ATG9B: variants seen among roughly 807,000 people sequenced by gnomAD.
ATG9B encodes the protein autophagy related 9B, also known as autophagy-related protein 9B.
In ATG9B, 92 loss-of-function variants were observed where a neutral mutation model predicts 92.9. The observed-to-expected ratio is 0.99, with a 90% confidence interval of 0.84 to 1.18. The LOEUF is 1.18. Among genes scored for constraint, ATG9B ranks in the 50% most tolerant of loss-of-function variants. The pLI is 0.00. For missense variants in ATG9B, 1,344 were observed against 1,235.0 expected (o/e 1.09, Z -1.32); for synonymous variants, 599 against 551.4 (o/e 1.09, Z -1.21).
chr7:151,021,355 G>A (rs780196113), intron 4 of ATG9B, 26 bp from the exon 5 acceptor site: 2 of 1,556,432 alleles, frequency 1.3e-6, no homozygotes, highest in South Asian at 1.2e-5. Flanking sequence ...CGGGCAGTGG[G>A]GGAGAAAGGT....
At position 151,018,928 on chromosome 7, in the gene ATG9B, C is replaced by T. The variant is rs1315171376; in HGVS notation, c.1410G>A (p.Arg470=). The T allele has an allele frequency of 2.0e-6, 3 of 1,532,868 alleles. No homozygotes were observed. The highest frequency in any genetic ancestry group is 2.1e-5 in the Admixed American group (1 of 48,018). 95.0% of individuals were successfully genotyped at this position (1,532,868 alleles called of 1,614,324 possible). ...HVFYSHVELL[R]REPGALGARG... ...GCGCCCCCAGCGCGCCAGGCTCGCG[C>T]CGCAGCAGCTCCACGTGGCTATAGA... The change falls in exon 6 of 14, where the codon CGG becomes CGA. Residue 470 remains arginine, a synonymous_variant. Transcript: ENST00000639579. The surrounding 1 kb of genome is among the most constrained non-coding windows in gnomAD (Gnocchi z 4.7).
At chr7:151,020,337 C>T (rs1795700668) in intron 5 of ATG9B, 1 of 152,732 alleles carries the variant, frequency 6.5e-6, no homozygotes, top group South Asian at 2.1e-4. Context: ...AGTGTCTTCC[C>T]TTCCCTTCCC....
chr7:151,012,884 T>A (rs767942890), downstream of ATG9B: 3 of 351,618 alleles, frequency 8.5e-6, no homozygotes, highest in Non-Finnish European at 1.6e-5. Context: ...GGGCTGTGAC[T>A]GGGAGGAGAG....
intron 5 of ATG9B, among the ~76,000 whole-genome samples, chr7:151,020,663 G>T (rs1242421426): frequency 6.6e-6 from 1 of 152,230 alleles, no homozygotes; most frequent in Non-Finnish European, 1.5e-5. Context: ...GAAACAAAGG[G>T]CAGAGCATAA....
In ATG9B at chr7:151,017,905, G is replaced by A. The variant is rs760739130; in HGVS notation, c.2018C>T (p.Ala673Val). Residue 673 changes from alanine to valine, a missense_variant, in exon 8 of 14, where the codon GCC (alanine) becomes GTC (valine). Coordinates refer to ENST00000639579, the MANE Select transcript of ATG9B (RefSeq NM_001317056.2). ...TCCGTGGCGCTTCACATCCATAAGG[G>A]CAAAGGAACAGATGTCCCCAACCCC... ...VAGVGDICSF[A>V]LMDVKRHGHP... 6 of 1,610,266 alleles carry A rather than the reference G, an allele frequency of 3.7e-6. No individual in the cohort carries two copies. The highest frequency in any genetic ancestry group is 5.1e-6 in the Non-Finnish European group (6 of 1,178,302).
chr7:151,017,996 A>G lies in ATG9B; in HGVS notation c.1927T>C (p.Phe643Leu). The G allele has an allele frequency of 6.2e-7, 1 of 1,604,788 alleles. No individual in the cohort carries two copies. Among genetic ancestry groups the G allele is most frequent in the Non-Finnish European group, 8.5e-7 (1 of 1,175,380 alleles). Residue 643 changes from phenylalanine to leucine, a missense_variant, in exon 8 of 14, where the codon TTC becomes CTC. By Grantham distance (22) the Phe-to-Leu change is conservative (BLOSUM62 0). Transcript: ENST00000639579. ...SPLLTPLFLL[F>L]WFRPRALEII... ...TCCAGGGCACGAGGGCGGAACCAGA[A>G]AAGCAGAAACAGCGGGGTGAGGAGC...
chr7:151,018,494 C>T lies in ATG9B; in HGVS notation c.1719-47G>A, dbSNP rs1436639044. 6.6e-7 allele frequency: 1 copy of T among 1,512,368 alleles called. No individual in the cohort carries two copies. Among genetic ancestry groups the T allele is most frequent in the Non-Finnish European group, 8.8e-7 (1 of 1,132,444 alleles). 93.7% of individuals were successfully genotyped at this position (1,512,368 alleles called of 1,614,324 possible). On this transcript the variant is annotated intron_variant, in intron 6 of 13. Coordinates refer to ENST00000639579, the MANE Select transcript of ATG9B (RefSeq NM_001317056.2). The surrounding 1 kb of genome is among the most constrained non-coding windows in gnomAD (Gnocchi z 4.7). Reference sequence around the variant, plus strand: ...GGGAAGGGGCCTGCGATTAGGAGGACGCGCGGTGGGATGTAGGGCTAGAGG... The same window carrying T: ...GGGAAGGGGCCTGCGATTAGGAGGATGCGCGGTGGGATGTAGGGCTAGAGG...
Position 151,019,264 on chromosome 7 carries a change from G to A in ATG9B, c.1074C>T (p.His358=). 1 of 1,579,734 alleles carries A rather than the reference G, an allele frequency of 6.3e-7. No individual in the cohort carries two copies. Among genetic ancestry groups the A allele is most frequent in the Non-Finnish European group, 8.5e-7 (1 of 1,170,054 alleles). Residue 358 remains histidine, a synonymous_variant, in exon 6 of 14, where the codon CAC becomes CAT. Transcript: ENST00000639579. ...AGTTGGTGTAGCGCAGGATGCGGTG[G>A]TGGATGTCCAGCTCCGTCAGGGGCC... ...QPRPLTELDI[H]HRILRYTNYQ... is the part of the protein sequence containing the mutation.
At chr7:151,014,051 G>A (rs1218814111), downstream of ATG9B, 2 of 1,613,590 alleles carry the variant, frequency 1.2e-6, no homozygotes, top group Non-Finnish European at 1.7e-6. Flanking sequence ...CTCACGCTGC[G>A]CACCCAGGAG....
downstream of ATG9B, chr7:151,013,880 G>T (rs1795373254): frequency 8.7e-6 from 14 of 1,602,030 alleles, no homozygotes; most frequent in Non-Finnish European, 1.2e-5. Context: ...GGGCGACATG[G>T]AGCTGGACGA....
chr7:151,024,061 G>A lies in ATG9B; in HGVS notation c.363C>T (p.Pro121=). 1 of 1,593,974 alleles carries A rather than the reference G, an allele frequency of 6.3e-7. No homozygotes were observed. Among genetic ancestry groups the A allele is most frequent in the Non-Finnish European group, 8.5e-7 (1 of 1,170,698 alleles). Residue 121 remains proline (P), a synonymous_variant, in exon 1 of 14, where the codon CCC becomes CCT. Transcript: ENST00000639579. ...AGGGAGTGGGGGTTGCCGGGGCCAG[G>A]GGTGGGGTGGAGTGGGATCCCCAGG... The part of the protein sequence containing the change: ...SPSWGSHSTP[P]LAPATPTPSQ...
intron 9 of ATG9B, 46 bp downstream of exon 9, chr7:151,016,990 A>ATCCT: frequency 6.5e-7 from 1 of 1,540,406 alleles, no homozygotes; most frequent in African/African-American, 1.4e-5. Flanking sequence ...TTTGGAGAGG[A>ATCCT]GTTGTGGGGG....
chr7:151,013,888 C>G (rs758026328), downstream of ATG9B: 6 of 1,600,176 alleles, frequency 3.7e-6, no homozygotes, highest in Non-Finnish European at 3.4e-6. Flanking sequence ...TGGAGCTGGA[C>G]GAGGCCGGCG....
rs1272253138 is a variant in ATG9B, at chr7:151,017,069, G to A, written c.2256C>T (p.Thr752=). 1.2e-6 allele frequency: 2 copies of A among 1,605,704 alleles called. No individual in the cohort carries two copies. The highest frequency in any genetic ancestry group is 1.7e-6 in the Non-Finnish European group (2 of 1,176,738). The part of the protein sequence containing the change: ...WGATSARGPS[T]PGVLSNCTSP... ...AGGTGCAGTTGCTGAGCACCCCCGGGGTGGAGGGGCCGCGAGCCGAGGTGG... is the reference window on the plus strand; with the variant it reads ...AGGTGCAGTTGCTGAGCACCCCCGGAGTGGAGGGGCCGCGAGCCGAGGTGG... Residue 752 remains threonine (T), a synonymous_variant, in exon 9 of 14, where the codon ACC becomes ACT. Coordinates refer to ENST00000639579, the MANE Select transcript of ATG9B (RefSeq NM_001317056.2).
At chr7:151,012,388 C>T (rs769085172), downstream of ATG9B, 5 of 1,593,378 alleles carry the variant, frequency 3.1e-6, no homozygotes, top group Admixed American at 1.8e-5. Flanking sequence ...TCCCAGCTTG[C>T]CCTGCATCCT....
Position 151,021,204 on chromosome 7 carries a change from G to T in ATG9B, c.947C>A (p.Ala316Asp). ...CCAGCTCACCGGGGGGATGTGCAGGGCCTCCCTGTAAAACACCTGGATGTC... is the reference window on the plus strand; with the variant it reads ...CCAGCTCACCGGGGGGATGTGCAGGTCCTCCCTGTAAAACACCTGGATGTC... The part of the protein sequence containing the change: ...YWDIQVFYRE[A>D]LHIPPEELSS... The change falls in exon 5 of 14, where the codon GCC becomes GAC. Residue 316 changes from alanine (A) to aspartate (D), a missense_variant. Ala to Asp is a moderately radical substitution (Grantham distance 126). Transcript: ENST00000639579. 2 of 1,613,428 alleles carry T rather than the reference G, an allele frequency of 1.2e-6. No homozygotes were observed. Among genetic ancestry groups the T allele is most frequent in the South Asian group, 2.2e-5 (2 of 91,080 alleles).
Position 151,017,110 on chromosome 7 carries a change from C to T in ATG9B, c.2215G>A (p.Ala739Thr). Reference sequence around the variant, plus strand: ...GCCGAGGTGGCACCCCAGGCAGCTGCATCTTGTTGTACTCGGCCCCAGAGG... The same window carrying T: ...GCCGAGGTGGCACCCCAGGCAGCTGTATCTTGTTGTACTCGGCCCCAGAGG... ...GHLWGRVQQD[A>T]AAWGATSARG... Residue 739 changes from alanine to threonine, a missense_variant, in exon 9 of 14, where the codon GCA becomes ACA. By Grantham distance (58) the Ala-to-Thr change is moderately conservative (BLOSUM62 0). Transcript: ENST00000639579. 6.2e-7 allele frequency: 1 copy of T among 1,612,286 alleles called. No individual in the cohort carries two copies. The highest frequency in any genetic ancestry group is 2.2e-5 in the East Asian group (1 of 44,844).
Position 151,023,489 on chromosome 7 carries a change from C to A in ATG9B, c.615G>T (p.Arg205=), listed in dbSNP as rs1474563275. 1 of 1,612,832 alleles carries A rather than the reference C, an allele frequency of 6.2e-7. No individual in the cohort carries two copies. The highest frequency in any genetic ancestry group is 1.1e-5 in the South Asian group (1 of 90,890). The change falls in exon 3 of 14, where the codon CGG becomes CGT. Residue 205 remains arginine (R), a synonymous_variant. Coordinates refer to ENST00000639579, the MANE Select transcript of ATG9B (RefSeq NM_001317056.2). ...CCAGCAAGATGCAGGCAAAGCCATTCCGCTGGTGGTAGCTGTAGATGTGGC... is the reference window on the plus strand; with the variant it reads ...CCAGCAAGATGCAGGCAAAGCCATTACGCTGGTGGTAGCTGTAGATGTGGC... ...FFTKIYSYHQ[R]NGFACILLED...
rs775431369 is a variant in ATG9B, at chr7:151,016,464, G to C, written c.2487C>G (p.Ala829=). ...KLAQLPELAS[A]EMSLHVIYLH... ...GGTAGATGACATGGAGACTCATCTC[G>C]GCAGAAGCAAGTTCTGGGAGCTGGG... The change falls in exon 11 of 14, where the codon GCC becomes GCG. Residue 829 remains alanine (A), a synonymous_variant. Transcript: ENST00000639579. The C allele has an allele frequency of 6.4e-7, 1 of 1,551,414 alleles. No individual in the cohort carries two copies. The highest frequency in any genetic ancestry group is 2.4e-5 in the East Asian group (1 of 40,910).
Sources: allele counts gnomAD v4.1 joint callset (sites outside exome capture counted in the v4.1 genomes callset), GRCh38; gene constraint gnomAD v4.1.1; non-coding constraint Gnocchi (gnomAD v3.1); transcripts MANE v1.5; gene names NCBI Gene and HGNC (gene_info 2026-07-23, HGNC 2026-07-21).